Variants in CAMK2B observed in about 807,000 individuals in gnomAD.
The protein encoded by CAMK2B is calcium/calmodulin-dependent protein kinase type II subunit beta.
CAMK2B carries 27 observed loss-of-function variants against 93.7 expected under a neutral mutation model. The ratio of observed to expected loss-of-function variants is 0.29; its 90% CI spans 0.21 to 0.40. The LOEUF is 0.40. CAMK2B is among the 10% of genes least tolerant of loss of function. The pLI is 1.00. For missense variants in CAMK2B, 568 were observed against 895.8 expected, an observed-to-expected ratio of 0.63 and a Z score of 4.67; for synonymous variants, 374 against 358.8, an observed-to-expected ratio of 1.04 and a Z score of -0.48.
At chr7:44,275,751 C>T (rs1467183859) in intron 2 of CAMK2B, among the ~76,000 whole-genome samples, 1 of 152,202 alleles carries the variant, frequency 6.6e-6, no homozygotes, top group African/African-American at 2.4e-5. Flanking sequence ...CTAGGTGGCC[C>T]TCCCCCTGGG....
At chr7:44,270,914 C>CTTTTT (rs1258304953) in intron 2 of CAMK2B, among the ~76,000 whole-genome samples, 1 of 152,186 alleles carries the variant, frequency 6.6e-6, no homozygotes, top group Non-Finnish European at 1.5e-5. Flanking sequence ...ACTTTCTAGA[C>CTTTTT]TTTTTCTTTT....
intron 13 of CAMK2B, among the ~76,000 whole-genome samples, chr7:44,237,251 T>G (rs1482010233): frequency 6.6e-6 from 1 of 152,224 alleles, no homozygotes; most frequent in Non-Finnish European, 1.5e-5. Flanking sequence ...TCCTTGGTAC[T>G]AAGAGGGTTC....
chr7:44,288,356 C>G (rs1785714584), intron 1 of CAMK2B, among the ~76,000 whole-genome samples: 1 of 152,246 alleles, frequency 6.6e-6, no homozygotes, highest in African/African-American at 2.4e-5. Flanking sequence ...AGGCTGATCA[C>G]ACGCCTGCCT....
At chr7:44,283,897 A>G (rs1248840292) in intron 2 of CAMK2B, among the ~76,000 whole-genome samples, 2 of 152,210 alleles carry the variant, frequency 1.3e-5, no homozygotes, top group Non-Finnish European at 2.9e-5. Context: ...CACCCCCACC[A>G]GCCTGGGCCC....
At chr7:44,313,644 G>T (rs1303347040) in intron 1 of CAMK2B, among the ~76,000 whole-genome samples, 1 of 150,494 alleles carries the variant, frequency 6.6e-6, no homozygotes. Context: ...ATCTTCCCCT[G>T]TGCTGGTCTC....
chr7:44,249,212 C>T (rs1213450904), intron 5 of CAMK2B, among the ~76,000 whole-genome samples: 2 of 152,210 alleles, frequency 1.3e-5, no homozygotes, highest in Admixed American at 1.3e-4. Flanking sequence ...CTTTGAATGG[C>T]CAACTGTGTC....
intron 20 of CAMK2B, among the ~76,000 whole-genome samples, chr7:44,222,100 T>G (rs1376747948): frequency 6.6e-6 from 1 of 151,990 alleles, no homozygotes; most frequent in Non-Finnish European, 1.5e-5. Context: ...AGAACACACA[T>G]GCACACGCAC....
chr7:44,246,274 A>G (rs2096728699), intron 6 of CAMK2B, among the ~76,000 whole-genome samples: 1 of 152,014 alleles, frequency 6.6e-6, no homozygotes, highest in Admixed American at 6.5e-5. Context: ...GACATTTGTT[A>G]CTAGCTGATT....
rs1168098575 is a variant in CAMK2B at position 44,248,937 on chromosome 7, T to G, written c.342-1745A>C. ...GGGAGCCACAATCCTATCTCCTTGCTCCATATGCCCTGGGGTGTCCTGCCT... is the reference window on the plus strand; with the variant it reads ...GGGAGCCACAATCCTATCTCCTTGCGCCATATGCCCTGGGGTGTCCTGCCT... On this transcript the variant is annotated intron_variant, in intron 5 of 23. Transcript: ENST00000395749. The surrounding 1 kb of genome is among the most constrained non-coding windows in gnomAD (Gnocchi z 4.1). 6.6e-6 allele frequency among the ~76,000 whole-genome samples: 1 copy of G among 152,124 alleles called. No homozygotes were observed. Among genetic ancestry groups the G allele is most frequent in the African/African-American group, 2.4e-5 (1 of 41,420 alleles).
chr7:44,320,037 A>T (rs1563125111), intron 1 of CAMK2B, among the ~76,000 whole-genome samples: 1 of 152,148 alleles, frequency 6.6e-6, no homozygotes, highest in Non-Finnish European at 1.5e-5. Context: ...AGTGTAAAGG[A>T]GTCACATTTT....
intron 20 of CAMK2B, among the ~76,000 whole-genome samples, chr7:44,222,531 G>A (rs1328949971): frequency 6.6e-6 from 1 of 151,996 alleles, no homozygotes; most frequent in Non-Finnish European, 1.5e-5. Flanking sequence ...TGACTCCCAG[G>A]TTCAAGCGAT....
chr7:44,273,559 T>C (rs1562976353), intron 2 of CAMK2B, among the ~76,000 whole-genome samples: 1 of 151,510 alleles, frequency 6.6e-6, no homozygotes, highest in East Asian at 1.9e-4. Context: ...CCACCTGGGG[T>C]CCCCCCACCC....
chr7:44,273,271 T>C (rs1365154272), intron 2 of CAMK2B, among the ~76,000 whole-genome samples: 1 of 152,142 alleles, frequency 6.6e-6, no homozygotes, highest in Non-Finnish European at 1.5e-5. Flanking sequence ...CTGTTCACTG[T>C]GTCCTGAGTG....
In CAMK2B at chr7:44,228,894, A is replaced by G. The variant is rs893430420; in HGVS notation, c.1370T>C (p.Val457Ala). The G allele has an allele frequency of 1.4e-5, 23 of 1,602,378 alleles. No homozygotes were observed. Among genetic ancestry groups the G allele is most frequent in the Non-Finnish European group, 2.0e-5 (23 of 1,173,886 alleles). ...TTCTGGGGTTCCTGAACCCCTTCTC[A>G]CAGAGTTCAGGATGTCAGAGATCCT... ...SPRISDILNS[V>A]RRGSGTPEAE... is the part of the protein sequence containing the mutation. Residue 457 changes from valine to alanine, a missense_variant, in exon 19 of 24, where the codon GTG becomes GCG. By Grantham distance (64) the Val-to-Ala change is moderately conservative. Transcript: ENST00000395749.
chr7:44,242,590 C>G lies in CAMK2B; in HGVS notation c.666G>C (p.Leu222=), dbSNP rs554119937. Residue 222 remains leucine, a synonymous_variant, in exon 9 of 24, where the codon CTG becomes CTC. Transcript: ENST00000395749. ...AGGCACCAGCCTTGATCTGCTGGTA[C>G]AGCTTGTGCTGGTCCTCGTCCCAGA... The part of the protein sequence containing the change: ...PPFWDEDQHK[L]YQQIKAGAYD... 9.3e-6 allele frequency: 15 copies of G among 1,612,184 alleles called. No homozygotes were observed. In the African/African-American group the frequency reaches 1.5e-4, roughly 16 times the overall value.
rs192733727 is a variant in CAMK2B at position 44,217,507 on chromosome 7, G to A, written c.*2018C>T. On this transcript the variant is annotated 3_prime_UTR_variant, in exon 24 of 24. Transcript: ENST00000395749. ...GAGGCCCCAGGACGCCAGGGTGGCC[G>A]GCTGCTGGGCCACGTGCTGTCCGTG... The A allele has an allele frequency of 4.7e-3, 721 of 152,482 alleles. 1 individual carries two copies. The highest frequency in any genetic ancestry group is 6.9e-3 in the Admixed American group (105 of 15,304). The allele number at this position is 152,482 out of a possible 1,614,324, so 9.4% of individuals were successfully genotyped here.
intron 1 of CAMK2B, among the ~76,000 whole-genome samples, chr7:44,320,892 T>C (rs530044371): frequency 1.3e-5 from 2 of 152,194 alleles, no homozygotes; most frequent in East Asian, 3.9e-4. Context: ...TCTCTGTGGG[T>C]AAGCTGTCCA....
Position 44,258,911 on chromosome 7 carries a change from C to T in CAMK2B, c.236G>A (p.Ser79Asn). The change falls in exon 4 of 24, where the codon AGC (serine) becomes AAC (asparagine). Residue 79 changes from serine (S) to asparagine (N), a missense_variant. Ser to Asn is a conservative substitution (Grantham distance 46). Coordinates refer to ENST00000395749, the MANE Select transcript of CAMK2B (RefSeq NM_001220.5). ...KHSNIVRLHD[S>N]ISEEGFHYLV... ...GTAGTGGAAGCCCTCCTCGGAGATG[C>T]TGTCGTGGAGACGCACTGTGGGGAC... The T allele has an allele frequency of 6.2e-7, 1 of 1,613,896 alleles. No homozygotes were observed. Among genetic ancestry groups the T allele is most frequent in the African/African-American group, 1.3e-5 (1 of 75,054 alleles).
At chr7:44,285,895 G>A (rs1036994464) in intron 1 of CAMK2B, among the ~76,000 whole-genome samples, 41 of 150,016 alleles carry the variant, frequency 2.7e-4, no homozygotes, top group Middle Eastern at 3.4e-3. Context: ...GGGGGGGCAC[G>A]GTGAGGTGTT....
Sources: gnomAD v4.1 joint callset for allele counts (sites outside exome capture counted in the v4.1 genomes callset) on GRCh38, gnomAD v4.1.1 for gene constraint, Gnocchi (gnomAD v3.1) non-coding constraint, MANE v1.5 for transcripts, NCBI Gene and HGNC (gene_info 2026-07-23, HGNC 2026-07-21) for gene names.